Variants in IL1RAPL1 observed in about 807,000 individuals in gnomAD.
IL1RAPL1 encodes the protein interleukin-1 receptor accessory protein-like 1.
Under a neutral mutation model 48.4 loss-of-function variants are expected in IL1RAPL1, and 3 were observed. The observed-to-expected ratio is 0.06, with a 90% confidence interval of 0.03 to 0.16. IL1RAPL1 has a LOEUF of 0.16. Ranked by LOEUF, IL1RAPL1 falls within the 10% of genes least tolerant of loss-of-function variation. IL1RAPL1 has a pLI of 1.00. For synonymous variants in IL1RAPL1, 185 were observed against 187.7 expected (o/e 0.99, Z 0.12); for missense variants, 349 against 530.6 (o/e 0.66, Z 3.36).
At chrX:29,846,912 T>C (rs1931263163) in intron 6 of IL1RAPL1, among the ~76,000 whole-genome samples, 1 of 110,400 alleles carries the variant, frequency 9.1e-6, no homozygotes, top group Admixed American at 9.7e-5. Context: ...AAGATGCATA[T>C]AATAATTCAT....
At chrX:28,653,173 T>G (rs1345244557) in intron 1 of IL1RAPL1, among the ~76,000 whole-genome samples, 2 of 111,925 alleles carry the variant, frequency 1.8e-5, no homozygotes, top group African/African-American at 6.5e-5. Flanking sequence ...ACTCCACCTT[T>G]TTTTCTTTAA....
chrX:29,582,347 A>G (rs1468121978), intron 5 of IL1RAPL1, among the ~76,000 whole-genome samples: 1 of 85,766 alleles, frequency 1.2e-5, no homozygotes, highest in Non-Finnish European at 2.1e-5. Context: ...TAAAGATAGC[A>G]TCTTTTTTTT....
At chrX:28,964,112 T>C (rs981020052) in intron 2 of IL1RAPL1, among the ~76,000 whole-genome samples, 4 of 111,540 alleles carry the variant, frequency 3.6e-5, no homozygotes, top group African/African-American at 1.3e-4. Context: ...ATACTTCTTT[T>C]AGTTTTATAA....
chrX:29,340,380 C>T (rs949965432), intron 3 of IL1RAPL1, among the ~76,000 whole-genome samples: 1 of 111,549 alleles, frequency 9.0e-6, no homozygotes, highest in Admixed American at 9.6e-5. Context: ...TACCAATCTA[C>T]ATTCTGTTTC....
chrX:29,536,865 T>G (rs1785201357), intron 5 of IL1RAPL1, among the ~76,000 whole-genome samples: 1 of 110,127 alleles, frequency 9.1e-6, no homozygotes, highest in Admixed American at 9.8e-5. Flanking sequence ...TAAAATTGTA[T>G]TATATAAGCA....
At chrX:29,540,807 A>G (rs1036686474) in intron 5 of IL1RAPL1, among the ~76,000 whole-genome samples, 5 of 112,237 alleles carry the variant, frequency 4.5e-5, no homozygotes, top group African/African-American at 6.5e-5. Context: ...TTTAAATATA[A>G]GAGCTCATAC....
intron 2 of IL1RAPL1, among the ~76,000 whole-genome samples, chrX:28,977,802 C>T (rs758876998): frequency 9.0e-6 from 1 of 111,721 alleles, no homozygotes; most frequent in Non-Finnish European, 1.9e-5. Context: ...ACTAAAAATA[C>T]AAAAATTAGC....
At chrX:29,742,282 C>A (rs1276921761) in intron 6 of IL1RAPL1, among the ~76,000 whole-genome samples, 1 of 111,701 alleles carries the variant, frequency 9.0e-6, no homozygotes, top group Admixed American at 9.5e-5. Flanking sequence ...TATGAAAACT[C>A]AGGTAAATGA....
intron 2 of IL1RAPL1, among the ~76,000 whole-genome samples, chrX:29,258,830 T>C (rs775771381): frequency 1.3e-4 from 14 of 111,514 alleles, no homozygotes; most frequent in Non-Finnish European, 2.5e-4. Context: ...AGACTATATT[T>C]TTTTTGTTCC....
chrX:28,704,835 A>C (rs868238097), intron 1 of IL1RAPL1, among the ~76,000 whole-genome samples: 1,156 of 98,957 alleles, frequency 0.012, 19 homozygotes, highest in African/African-American at 0.031. Flanking sequence ...CACACACAAA[A>C]AAAAAAAAAA....
At chrX:29,583,562 TA>T (rs1405443921) in intron 5 of IL1RAPL1, among the ~76,000 whole-genome samples, 1 of 52,111 alleles carries the variant, frequency 1.9e-5, no homozygotes, top group African/African-American at 8.2e-5. Flanking sequence ...CTCAAGGAAA[TA>T]AAAGAGGACA....
At chrX:29,638,894 A>C (rs759423437) in intron 5 of IL1RAPL1, among the ~76,000 whole-genome samples, 8 of 112,453 alleles carry the variant, frequency 7.1e-5, no homozygotes, top group Non-Finnish European at 1.3e-4. Context: ...ATTTTTAAGA[A>C]CAGGTTTTAA....
chrX:29,139,890 A>G (rs963883104), intron 2 of IL1RAPL1, among the ~76,000 whole-genome samples: 1 of 111,709 alleles, frequency 9.0e-6, no homozygotes, highest in Non-Finnish European at 1.9e-5. Context: ...TAAGGTTGAA[A>G]CTTAAAGAAC....
intron 8 of IL1RAPL1, among the ~76,000 whole-genome samples, chrX:29,926,910 G>A (rs891718401): frequency 8.9e-6 from 1 of 111,899 alleles, no homozygotes; most frequent in East Asian, 2.8e-4. Context: ...GCTGCTCAAT[G>A]TAGGGAAATT....
In IL1RAPL1 at chrX:28,897,001, A is replaced by G. The variant is rs749559422; in HGVS notation, c.82+107576A>G. On this transcript the variant is annotated intron_variant, in intron 2 of 10. Transcript: ENST00000378993. ...GTCAAGCGGCATTGTAGAAGAAAATAAGGCGTTTAGGTTTTAAGTCAGGTG... is the reference window on the plus strand; with the variant it reads ...GTCAAGCGGCATTGTAGAAGAAAATGAGGCGTTTAGGTTTTAAGTCAGGTG... 8.7e-4 allele frequency among the ~76,000 whole-genome samples: 97 copies of G among 110,969 alleles called. 1 individual carries two copies. Among genetic ancestry groups the G allele is most frequent in the Non-Finnish European group, 1.4e-3 (72 of 52,964 alleles).
At chrX:29,027,877 A>T (rs1455498380) in intron 2 of IL1RAPL1, among the ~76,000 whole-genome samples, 1 of 108,125 alleles carries the variant, frequency 9.2e-6, no homozygotes, top group Non-Finnish European at 1.9e-5. Context: ...TGCGTTTTTA[A>T]ATTGGATTAT....
intron 1 of IL1RAPL1, among the ~76,000 whole-genome samples, chrX:28,761,011 G>A (rs752609831): frequency 1.8e-5 from 2 of 108,204 alleles, no homozygotes; most frequent in Non-Finnish European, 3.8e-5. Context: ...GCTTGAACCT[G>A]GGGGGGCAGA....
At chrX:29,803,467 A>ATATGTATACATATATGTATACATC (rs1302995189) in intron 6 of IL1RAPL1, among the ~76,000 whole-genome samples, 119 of 98,114 alleles carry the variant, frequency 1.2e-3, no homozygotes, top group Non-Finnish European at 2.3e-3. Flanking sequence ...ATATATGTAT[A>ATATGTATACATATATGTATACATC]TATGTATACA....
intron 1 of IL1RAPL1, among the ~76,000 whole-genome samples, chrX:28,736,341 G>A (rs1458237626): frequency 1.8e-5 from 2 of 109,518 alleles, no homozygotes; most frequent in Non-Finnish European, 3.8e-5. Context: ...GGCTGAGGCA[G>A]GAGAATTGCT....
Sources: gnomAD v4.1 joint callset for allele counts (sites outside exome capture counted in the v4.1 genomes callset) on GRCh38, gnomAD v4.1.1 for gene constraint, MANE v1.5 for transcripts, NCBI Gene and HGNC (gene_info 2026-07-23, HGNC 2026-07-21) for gene names.